FCN2: variants seen among roughly 807,000 people sequenced by gnomAD.
FCN2 encodes ficolin-2.
In FCN2, 31 loss-of-function variants were observed where a neutral mutation model predicts 32.5. The ratio of observed to expected loss-of-function variants is 0.96; its 90% CI spans 0.72 to 1.29. The LOEUF (loss-of-function observed/expected upper bound fraction) is 1.29, where lower values mean the gene tolerates loss of function less well. Ranked by LOEUF, FCN2 falls within the 50% of genes most tolerant of loss-of-function variation. The probability of loss-of-function intolerance (pLI) is 0.00; values close to 1 mark genes in which losing one functional copy is unlikely to be tolerated. For missense variants in FCN2, 412 were observed against 406.5 expected (o/e 1.01, Z -0.12); for synonymous variants, 181 against 164.5 (o/e 1.10, Z -0.77).
chr9:134,886,304 C>A (rs80319672), intron 6 of FCN2, 126 bp from the exon 7 acceptor site: 7 of 1,113,162 alleles, frequency 6.3e-6, no homozygotes, highest in Non-Finnish European at 8.2e-6. Flanking sequence ...GGGGATGCTG[C>A]GGTGCTCTCC....
chr9:134,871,694 C>A, the FCN2 span, among the ~76,000 whole-genome samples: 1 of 152,278 alleles, frequency 6.6e-6, no homozygotes, highest in Non-Finnish European at 1.5e-5. Context: ...CTGGGATGGG[C>A]AGGAGTCCTG....
Position 134,886,478 on chromosome 9 carries a change from A to G in FCN2, c.608A>G (p.Gln203Arg), listed in dbSNP as rs749018805. ...VDLVDFEDNYQFAKYRSFKVA... is the reference protein window; with the variant it reads ...VDLVDFEDNYRFAKYRSFKVA... ...CTGGTGGACTTTGAGGACAACTACC[A>G]GTTTGCTAAGTACAGATCATTCAAG... Residue 203 changes from glutamine (Q) to arginine (R), a missense_variant, in exon 7 of 8, where the codon CAG becomes CGG. By Grantham distance (43) the Gln-to-Arg change is conservative. Coordinates refer to ENST00000291744, the MANE Select transcript of FCN2 (RefSeq NM_004108.3). 1.9e-6 allele frequency: 3 copies of G among 1,614,048 alleles called. No homozygotes were observed. The highest frequency in any genetic ancestry group is 2.2e-5 in the South Asian group (2 of 91,070).
chr9:134,881,334 A>G (rs943751351), intron 1 of FCN2, among the ~76,000 whole-genome samples: 1 of 152,154 alleles, frequency 6.6e-6, no homozygotes, highest in Non-Finnish European at 1.5e-5. Flanking sequence ...CCGGAAAGAC[A>G]GGGTGTCAGG....
At chr9:134,881,672 G>A (rs763657468) in intron 1 of FCN2, among the ~76,000 whole-genome samples, 2 of 152,154 alleles carry the variant, frequency 1.3e-5, no homozygotes, top group African/African-American at 2.4e-5. Context: ...AGAGCTCTGC[G>A]GTGTGCTGTG....
chr9:134,878,364 C>T (rs1455642464), upstream of FCN2, among the ~76,000 whole-genome samples: 1 of 152,166 alleles, frequency 6.6e-6, no homozygotes, highest in African/African-American at 2.4e-5. Context: ...GCCTCAGCCT[C>T]CTTGCCCGTA....
At chr9:134,879,436 T>C (rs1830633536), upstream of FCN2, among the ~76,000 whole-genome samples, 1 of 152,212 alleles carries the variant, frequency 6.6e-6, no homozygotes, top group Non-Finnish European at 1.5e-5. Flanking sequence ...GGAACCTGCC[T>C]AAGGACTCGG....
chr9:134,879,445 G>T (rs750057958), upstream of FCN2, among the ~76,000 whole-genome samples: 20 of 152,142 alleles, frequency 1.3e-4, no homozygotes, highest in Non-Finnish European at 2.8e-4. Flanking sequence ...CTAAGGACTC[G>T]GAATTTTGGC....
chr9:134,877,276 T>C (rs1162158082), upstream of FCN2, among the ~76,000 whole-genome samples: 3 of 152,220 alleles, frequency 2.0e-5, no homozygotes, highest in African/African-American at 7.2e-5. Context: ...CATTTCACAC[T>C]GTAATTTGCC....
chr9:134,886,628 C>A (rs901987899), intron 7 of FCN2, 64 bp downstream of exon 7: 2 of 1,582,362 alleles, frequency 1.3e-6, no homozygotes, highest in South Asian at 1.1e-5. Context: ...GTGGAGAGAG[C>A]GTGCTCAGTG....
At chr9:134,885,722 A>T in intron 5 of FCN2, 46 bp from the exon 6 acceptor site, 1 of 1,613,126 alleles carries the variant, frequency 6.2e-7, no homozygotes, top group Non-Finnish European at 8.5e-7. Context: ...GTGCTGTGGG[A>T]CGTCGGCCTG....
rs141661534 is a variant in FCN2, at chr9:134,884,347, G to T, written c.269-393G>T. On this transcript the variant is annotated intron_variant, in intron 3 of 7. Coordinates refer to ENST00000291744, the MANE Select transcript of FCN2 (RefSeq NM_004108.3). ...TGGGTTGTGTCTAAACATAAAATAC[G>T]CAGGTTTGGTGCCCACACCGCAAAC... Among the ~76,000 whole-genome samples the T allele has an allele frequency of 1.8e-3, 277 of 152,136 alleles. 1 individual carries two copies. The highest frequency in any genetic ancestry group is 6.0e-3 in the African/African-American group (251 of 41,494).
At chr9:134,873,108 GT>G in the FCN2 span, among the ~76,000 whole-genome samples, 2 of 129,886 alleles carry the variant, frequency 1.5e-5, no homozygotes, top group South Asian at 2.8e-4. Context: ...TTGTGTGCCT[GT>G]TTTTTTTTAA....
chr9:134,872,273 G>A, the FCN2 span, among the ~76,000 whole-genome samples: 23 of 151,906 alleles, frequency 1.5e-4, no homozygotes, highest in East Asian at 3.9e-4. Flanking sequence ...CTGTGTATCC[G>A]ATCAGCAGAG....
intron 1 of FCN2, among the ~76,000 whole-genome samples, chr9:134,882,276 G>T (rs1300458842): frequency 6.6e-6 from 1 of 152,200 alleles, no homozygotes; most frequent in African/African-American, 2.4e-5. Flanking sequence ...CAAGGCCAGG[G>T]TTCTGCCCCA....
At chr9:134,874,272 G>A in the FCN2 span, among the ~76,000 whole-genome samples, 1 of 152,080 alleles carries the variant, frequency 6.6e-6, no homozygotes, top group Non-Finnish European at 1.5e-5. Flanking sequence ...TTTGCTTTTG[G>A]AGATTATGCT....
chr9:134,886,667 C>A, intron 7 of FCN2, 103 bp downstream of exon 7: 4 of 1,319,506 alleles, frequency 3.0e-6, no homozygotes, highest in Non-Finnish European at 4.3e-6. Context: ...AGAGGCCTCA[C>A]CTCTCTGAGC....
the FCN2 span, among the ~76,000 whole-genome samples, chr9:134,871,602 C>T: frequency 1.3e-5 from 2 of 152,270 alleles, no homozygotes; most frequent in Non-Finnish European, 2.9e-5. Flanking sequence ...AGAGTGGGCA[C>T]TGGGCTCCCT....
upstream of FCN2, among the ~76,000 whole-genome samples, chr9:134,876,702 C>A (rs1284244087): frequency 6.6e-6 from 1 of 152,218 alleles, no homozygotes; most frequent in Non-Finnish European, 1.5e-5. Context: ...CCTCAGCCTC[C>A]CGAGAAGCTG....
Position 134,887,264 on chromosome 9 carries a change from C to T in FCN2, c.791C>T (p.Ala264Val). The change falls in exon 8 of 8, where the codon GCT becomes GTT. Residue 264 changes from alanine (A) to valine (V), a missense_variant. Physicochemically the swap from Ala to Val is moderately conservative, Grantham distance 64. Transcript: ENST00000291744. ...AATTGTGCTGTGATGTTTCAGGGAG[C>T]TTGGTGGTACAAAAACTGCCATGTG... ...TGNCAVMFQG[A>V]WWYKNCHVSN... The T allele has an allele frequency of 1.2e-6, 2 of 1,612,278 alleles. No homozygotes were observed. The highest frequency in any genetic ancestry group is 8.5e-7 in the Non-Finnish European group (1 of 1,178,216).
Sources: allele counts gnomAD v4.1 joint callset (sites outside exome capture counted in the v4.1 genomes callset), GRCh38; gene constraint gnomAD v4.1.1; transcripts MANE v1.5; gene names NCBI Gene and HGNC (gene_info 2026-07-23, HGNC 2026-07-21).